RTCB: variants seen among roughly 807,000 people sequenced by gnomAD.
The protein encoded by RTCB is RNA-splicing ligase RTCB.
RTCB carries 32 observed loss-of-function variants against 58.2 expected under a neutral mutation model. The ratio of observed to expected loss-of-function variants is 0.55; its 90% CI spans 0.41 to 0.74. The LOEUF (loss-of-function observed/expected upper bound fraction) is 0.74, where lower values mean the gene tolerates loss of function less well. Ranked by LOEUF, RTCB falls within the 30% of genes least tolerant of loss-of-function variation. The pLI is 0.00. For synonymous variants in RTCB, 247 were observed against 218.6 expected, an observed-to-expected ratio of 1.13 and a Z score of -1.15; for missense variants, 523 against 639.0, an observed-to-expected ratio of 0.82 and a Z score of 1.96.
At chr22:32,395,628 T>C (rs1356122040) in intron 8 of RTCB, among the ~76,000 whole-genome samples, 1 of 152,240 alleles carries the variant, frequency 6.6e-6, no homozygotes, top group Non-Finnish European at 1.5e-5. Context: ...GACACTTCTC[T>C]GGTATTTTGA....
At chr22:32,402,558 T>A (rs1601429070) in intron 4 of RTCB, among the ~76,000 whole-genome samples, 1 of 150,246 alleles carries the variant, frequency 6.7e-6, no homozygotes, top group Non-Finnish European at 1.5e-5. Context: ...CAAGTGATTC[T>A]CCTGCCTCAG....
At chr22:32,390,342 T>G (rs1274689851) in intron 11 of RTCB, among the ~76,000 whole-genome samples, 1 of 152,188 alleles carries the variant, frequency 6.6e-6, no homozygotes, top group Non-Finnish European at 1.5e-5. Flanking sequence ...GTGTTGCAGG[T>G]GAAAAAACAA....
chr22:32,395,147 T>C lies in RTCB; in HGVS notation c.1058A>G (p.His353Arg). ...ATGCTGCTCCACTTTGGCAATGTTG[T>C]GAGAAACATCATAGATCACATGTAG... ...LDLHVIYDVS[H>R]NIAKVEQHVV... The change falls in exon 9 of 12, where the codon CAC becomes CGC. Residue 353 changes from histidine to arginine, a missense_variant. By Grantham distance (29) the His-to-Arg change is conservative (BLOSUM62 0). Transcript: ENST00000216038. 6.2e-7 allele frequency: 1 copy of C among 1,614,148 alleles called. No individual in the cohort carries two copies. Among genetic ancestry groups the C allele is most frequent in the Non-Finnish European group, 8.5e-7 (1 of 1,180,034 alleles).
chr22:32,408,923 G>T (rs1373449606), intron 1 of RTCB, 90 bp from the exon 2 acceptor site: 7 of 906,304 alleles, frequency 7.7e-6, no homozygotes, highest in African/African-American at 1.7e-5. Context: ...AATATTTACT[G>T]TGCTTTACTC....
Position 32,396,068 on chromosome 22 carries a change from C to T in RTCB, c.990+6G>A. The T allele has an allele frequency of 6.2e-7, 1 of 1,613,450 alleles. No individual in the cohort carries two copies. Among genetic ancestry groups the T allele is most frequent in the Non-Finnish European group, 8.5e-7 (1 of 1,179,666 alleles). On this transcript the variant is annotated splice_donor_region_variant and intron_variant, in intron 8 of 11. Coordinates refer to ENST00000216038, the MANE Select transcript of RTCB (RefSeq NM_014306.5). ...ACTCGGAACAGAAGAGCAACTTCTACTGTACCTGACGGGTTAAGAAGGTCA... is the reference window on the plus strand; with the variant it reads ...ACTCGGAACAGAAGAGCAACTTCTATTGTACCTGACGGGTTAAGAAGGTCA...
chr22:32,391,671 G>GT (rs1227251716), intron 11 of RTCB, among the ~76,000 whole-genome samples: 5 of 152,108 alleles, frequency 3.3e-5, no homozygotes, highest in Admixed American at 1.3e-4. Flanking sequence ...GATTACAGGC[G>GT]TGAGCCACCA....
intron 1 of RTCB, among the ~76,000 whole-genome samples, chr22:32,409,715 G>T (rs1251993353): frequency 6.6e-6 from 1 of 152,080 alleles, no homozygotes; most frequent in African/African-American, 2.4e-5. Context: ...ATTAACTGAG[G>T]ATTTACTATG....
At chr22:32,407,135 A>G (rs1005014045) in intron 3 of RTCB, among the ~76,000 whole-genome samples, 9 of 152,256 alleles carry the variant, frequency 5.9e-5, no homozygotes, top group Non-Finnish European at 1.0e-4. Context: ...ACTGATTTAT[A>G]TAGGTCATTA....
intron 5 of RTCB, among the ~76,000 whole-genome samples, chr22:32,400,283 C>T (rs1475858057): frequency 3.3e-5 from 5 of 152,174 alleles, no homozygotes; most frequent in Non-Finnish European, 7.3e-5. Flanking sequence ...CACAGAAGTT[C>T]TGAGTGGCTT....
At chr22:32,395,989 C>A in intron 8 of RTCB, 85 bp downstream of exon 8, 1 of 1,381,398 alleles carries the variant, frequency 7.2e-7, no homozygotes, top group South Asian at 1.3e-5. Flanking sequence ...CATGAGCCAC[C>A]GTGTCCAGCC....
chr22:32,403,202 C>T (rs150850368), intron 4 of RTCB, among the ~76,000 whole-genome samples: 1,611 of 152,078 alleles, frequency 0.011, 34 homozygotes, highest in African/African-American at 0.037. Flanking sequence ...GTCAGGAGAT[C>T]GAGAACATCC....
Position 32,399,771 on chromosome 22 carries a change from TA to T in RTCB, c.498-13del, listed in dbSNP as rs763392805. ...CCTCCTCCAAGTCTCTGGATAAGTA[TA>T]AAAGGTGCTAGTCATCTCACAGCAA... On this transcript the variant is annotated splice_polypyrimidine_tract_variant and intron_variant, in intron 5 of 11. Coordinates refer to ENST00000216038, the MANE Select transcript of RTCB (RefSeq NM_014306.5). The T allele has an allele frequency of 8.1e-6, 13 of 1,609,914 alleles. No individual in the cohort carries two copies. The highest frequency in any genetic ancestry group is 1.1e-5 in the Non-Finnish European group (13 of 1,177,844).
intron 4 of RTCB, among the ~76,000 whole-genome samples, chr22:32,404,181 T>C (rs1056573616): frequency 6.6e-6 from 1 of 152,232 alleles, no homozygotes; most frequent in Non-Finnish European, 1.5e-5. Flanking sequence ...CACCCAGTGA[T>C]GCAATTGCTG....
At chr22:32,407,293 C>T in intron 3 of RTCB, 1 of 154,046 alleles carries the variant, frequency 6.5e-6, no homozygotes, top group Non-Finnish European at 1.4e-5. Context: ...TAACAACTTC[C>T]TTATATACAC....
At chr22:32,407,667 G>T (rs73881696) in intron 3 of RTCB, 1 of 152,576 alleles carries the variant, frequency 6.6e-6, no homozygotes, top group African/African-American at 2.4e-5. Flanking sequence ...AAACTACTTC[G>T]AAGGTTCTTA....
chr22:32,411,348 G>A (rs556516043), intron 1 of RTCB, among the ~76,000 whole-genome samples: 14 of 152,238 alleles, frequency 9.2e-5, no homozygotes, highest in African/African-American at 2.9e-4. Context: ...TGGTGATGAA[G>A]GCCGAGAGAT....
chr22:32,390,302 G>C (rs896509842), intron 11 of RTCB, among the ~76,000 whole-genome samples: 1 of 152,202 alleles, frequency 6.6e-6, no homozygotes, highest in African/African-American at 2.4e-5. Flanking sequence ...GTTAGTACGT[G>C]TTAGCTGAGT....
In RTCB at chr22:32,387,927, G is replaced by A. The variant is rs1013593327; in HGVS notation, c.*65C>T. 2 of 1,053,968 alleles carry A rather than the reference G, an allele frequency of 1.9e-6. No individual in the cohort carries two copies. Among genetic ancestry groups the A allele is most frequent in the Non-Finnish European group, 3.0e-6 (2 of 675,226 alleles). 65.3% of individuals were successfully genotyped at this position (1,053,968 alleles called of 1,614,324 possible). On this transcript the variant is annotated 3_prime_UTR_variant, in exon 12 of 12. Coordinates refer to ENST00000216038, the MANE Select transcript of RTCB (RefSeq NM_014306.5). ...CCGCCTTGAGTCTGATGTCAGAAGA[G>A]CATGTCAGTCCACTTCCACTTCAGA...
At chr22:32,388,229 T>A in intron 11 of RTCB, 130 bp from the exon 12 acceptor site, 1 of 591,528 alleles carries the variant, frequency 1.7e-6, no homozygotes, top group Non-Finnish European at 3.0e-6. Flanking sequence ...CCTATGAAAT[T>A]AGCAAAAATT....
Sources: allele counts gnomAD v4.1 joint callset (sites outside exome capture counted in the v4.1 genomes callset), GRCh38; gene constraint gnomAD v4.1.1; transcripts MANE v1.5; gene names NCBI Gene and HGNC (gene_info 2026-07-23, HGNC 2026-07-21).